Variants in OTOF observed in about 807,000 individuals in gnomAD.
The protein encoded by OTOF is fer-1-like family member 2.
Under a neutral mutation model 236.8 loss-of-function variants are expected in OTOF, and 218 were observed. The ratio of observed to expected loss-of-function variants is 0.92; its 90% confidence interval spans 0.82 to 1.03. The LOEUF (loss-of-function observed/expected upper bound fraction) is 1.03, where lower values mean the gene tolerates loss of function less well. OTOF is among the 50% of genes least tolerant of loss of function. The probability of loss-of-function intolerance (pLI) is 0.00; values close to 1 mark genes in which losing one functional copy is unlikely to be tolerated. For synonymous variants in OTOF, 1,041 were observed against 1,072.5 expected, an observed-to-expected ratio of 0.97 and a Z score of 0.57; for missense variants, 2,590 against 2,694.4, an observed-to-expected ratio of 0.96 and a Z score of 0.86.
chr2:26,461,978 G>C lies in OTOF; in HGVS notation c.5292-41C>G. On this transcript the variant is annotated intron_variant, in intron 42 of 46. Coordinates refer to ENST00000272371, the MANE Select transcript of OTOF (RefSeq NM_194248.3). The surrounding 1 kb of genome is among the most constrained non-coding windows in gnomAD (Gnocchi z 6.2). ...CTCCAGACCCGCAGCCAGGCTGGTG[G>C]GGCCTCTCCCACCCACAGCCACCTT... is the stretch of plus-strand genomic sequence containing the variant. 1.2e-6 allele frequency: 2 copies of C among 1,613,534 alleles called. No individual in the cohort carries two copies. Among genetic ancestry groups the C allele is most frequent in the Non-Finnish European group, 8.5e-7 (1 of 1,179,876 alleles).
chr2:26,461,887 T>G lies in OTOF; in HGVS notation c.5342A>C (p.His1781Pro), dbSNP rs1010004954. 1 of 1,613,416 alleles carries G rather than the reference T, an allele frequency of 6.2e-7. No homozygotes were observed. The highest frequency in any genetic ancestry group is 1.3e-5 in the African/African-American group (1 of 74,644). The change falls in exon 43 of 47, where the codon CAC (histidine) becomes CCC (proline). Residue 1781 changes from histidine to proline, a missense_variant. Physicochemically the swap from His to Pro is moderately conservative, Grantham distance 77. This residue lies in a region of OTOF where 1,211 missense variants were observed against 1,352.8 expected (regional missense o/e 0.90). Coordinates refer to ENST00000272371, the MANE Select transcript of OTOF (RefSeq NM_194248.3). The surrounding 1 kb of genome is among the most constrained non-coding windows in gnomAD (Gnocchi z 6.2). ...EDKQDTDVHY[H>P]SLTGEGNFNW... ...GAAGTTGCCCTCGCCAGTGAGGGAG[T>G]GGTAGTGGACGTCTGTGTCCTGCTT...
Position 26,535,853 on chromosome 2 carries a change from C to A in OTOF, c.138+1863G>T, listed in dbSNP as rs10207965. On this transcript the variant is annotated intron_variant, in intron 2 of 46. Transcript: ENST00000272371. ...GGCTGGGCGGAGTTGGGAAGAGGAACGACATGGTGATTAACTTTGAATGTC... is the reference window on the plus strand; with the variant it reads ...GGCTGGGCGGAGTTGGGAAGAGGAAAGACATGGTGATTAACTTTGAATGTC... 2.0e-5 allele frequency among the ~76,000 whole-genome samples: 3 copies of A among 152,284 alleles called. No individual in the cohort carries two copies. The East Asian group carries it at 5.8e-4, about 29-fold the overall frequency.
chr2:26,489,194 C>T lies in OTOF; in HGVS notation c.1045+17G>A. On this transcript the variant is annotated intron_variant, in intron 11 of 46. Coordinates refer to ENST00000272371, the MANE Select transcript of OTOF (RefSeq NM_194248.3). ...GCCATGCACACCTCGACTGACTGGC[C>T]ATGCGCAGGTACTCACCTGGCTGCG... 6.3e-7 allele frequency: 1 copy of T among 1,589,632 alleles called. No homozygotes were observed. Among genetic ancestry groups the T allele is most frequent in the Non-Finnish European group, 8.6e-7 (1 of 1,161,838 alleles).
rs534409465 is a variant in OTOF, at chr2:26,519,230, G to T, written c.228-121C>A. On this transcript the variant is annotated intron_variant, in intron 3 of 46. Coordinates refer to ENST00000272371, the MANE Select transcript of OTOF (RefSeq NM_194248.3). ...TCAGGTGGGCTTGCTCCAGCTCTGG[G>T]CTGGGCTGGAGAAGGTGGCCCAGGA... The T allele has an allele frequency of 3.9e-5, 28 of 720,510 alleles. No individual in the cohort carries two copies. The South Asian group carries it at 4.1e-4, about 11-fold the overall frequency. 44.6% of individuals were successfully genotyped at this position (720,510 alleles called of 1,614,324 possible). A position where few individuals can be genotyped will look rare whatever the true frequency, so the allele number is the denominator to read the frequency against.
At position 26,463,453 on chromosome 2, in the gene OTOF, G is replaced by A. The variant is rs1243181893; in HGVS notation, c.5192+30C>T. ...GGGAAGTGGGTGGGGTGGGCCGGAAGGGAGTAGCGCTGGGCCCCAGGCCGC... is the reference window on the plus strand; with the variant it reads ...GGGAAGTGGGTGGGGTGGGCCGGAAAGGAGTAGCGCTGGGCCCCAGGCCGC... On this transcript the variant is annotated intron_variant, in intron 41 of 46. Transcript: ENST00000272371. 1.9e-6 allele frequency: 3 copies of A among 1,539,928 alleles called. No homozygotes were observed. In the South Asian group the frequency reaches 3.5e-5, roughly 18 times the overall value.
chr2:26,470,583 G>A lies in OTOF; in HGVS notation c.4023+10C>T, dbSNP rs950118427. 1.9e-6 allele frequency: 3 copies of A among 1,613,882 alleles called. No individual in the cohort carries two copies. Among genetic ancestry groups the A allele is most frequent in the South Asian group, 1.1e-5 (1 of 91,084 alleles). On this transcript the variant is annotated intron_variant, in intron 32 of 46. Transcript: ENST00000272371. This position sits in a 1 kb window ranked among gnomAD's most constrained non-coding sequence, Gnocchi z 4.3. ...GGGGTCACCTCCCCTCACCCTACCC[G>A]AGGTCTCACCTCCTTCATGGTGTCA... is the stretch of plus-strand genomic sequence containing the variant.
chr2:26,554,336 C>G (rs887655321), intron 1 of OTOF, among the ~76,000 whole-genome samples: 2 of 152,024 alleles, frequency 1.3e-5, no homozygotes, highest in Admixed American at 6.6e-5. Flanking sequence ...GGTGAGAGCT[C>G]ACAGTTGGGG....
chr2:26,511,877 G>C (rs1000354042), intron 5 of OTOF, among the ~76,000 whole-genome samples: 1 of 152,170 alleles, frequency 6.6e-6, no homozygotes, highest in African/African-American at 2.4e-5. Context: ...TGTGGAAACC[G>C]ATTTAAAAAC....
In OTOF at chr2:26,480,961, G is replaced by C; in HGVS notation, c.1628C>G (p.Thr543Arg). Reference protein sequence around the residue: ...GPAWVNMYGSTRNYTLLDEHQ... With the variant: ...GPAWVNMYGSRRNYTLLDEHQ... ...CTCATCCAGCAGCGTGTAGTTACGTGTGGAGCCGTACATGTTCACCCAGGC... is the reference window on the plus strand; with the variant it reads ...CTCATCCAGCAGCGTGTAGTTACGTCTGGAGCCGTACATGTTCACCCAGGC... Residue 543 changes from threonine to arginine, a missense_variant, in exon 15 of 47, where the codon ACA becomes AGA. Thr to Arg is a moderately conservative substitution (Grantham distance 71). Around this residue, in one of 2 missense-constraint regions of OTOF, gnomAD observed 1,379 missense variants for 1,341.6 expected, o/e 1.03. Transcript: ENST00000272371. 1 of 1,613,064 alleles carries C rather than the reference G, an allele frequency of 6.2e-7. No individual in the cohort carries two copies. The highest frequency in any genetic ancestry group is 8.5e-7 in the Non-Finnish European group (1 of 1,180,026).
Position 26,477,849 on chromosome 2 carries a change from G to A in OTOF, c.2215-100C>T, listed in dbSNP as rs1426240023. ...TGATCAGGGGAGTGAGGGACCTCATGATCTGGGAGCTCTCGCTAGGGCCAT... is the reference window on the plus strand; with the variant it reads ...TGATCAGGGGAGTGAGGGACCTCATAATCTGGGAGCTCTCGCTAGGGCCAT... On this transcript the variant is annotated intron_variant, in intron 18 of 46. Transcript: ENST00000272371. The surrounding 1 kb of genome is among the most constrained non-coding windows in gnomAD (Gnocchi z 4.7). The A allele has an allele frequency of 6.4e-7, 1 of 1,564,932 alleles. No individual in the cohort carries two copies. The highest frequency in any genetic ancestry group is 1.9e-5 in the Admixed American group (1 of 52,368).
At chr2:26,535,672 G>C (rs936319368) in intron 2 of OTOF, among the ~76,000 whole-genome samples, 1 of 152,106 alleles carries the variant, frequency 6.6e-6, no homozygotes, top group African/African-American at 2.4e-5. Flanking sequence ...ACTGACTCTG[G>C]CTACCCCATC....
intron 34 of OTOF, 29 bp downstream of exon 34, chr2:26,467,336 C>T: frequency 1.2e-6 from 2 of 1,613,742 alleles, no homozygotes; most frequent in East Asian, 2.2e-5. Context: ...CCCCACACAC[C>T]CTAGAAGGGT....
chr2:26,497,158 A>G (rs1666008807), intron 8 of OTOF, among the ~76,000 whole-genome samples: 1 of 128,826 alleles, frequency 7.8e-6, no homozygotes, highest in Non-Finnish European at 1.6e-5. Flanking sequence ...GCTGGAGTGC[A>G]GTGGCACGAT....
intron 11 of OTOF, among the ~76,000 whole-genome samples, chr2:26,487,727 A>G (rs1665735323): frequency 6.6e-6 from 1 of 152,030 alleles, no homozygotes; most frequent in Non-Finnish European, 1.5e-5. Flanking sequence ...TACCAGGGCC[A>G]CTGCTCAGCC....
chr2:26,480,270 G>A lies in OTOF; in HGVS notation c.1845C>T (p.Ala615=), dbSNP rs1175026119. Residue 615 remains alanine, a synonymous_variant, in exon 16 of 47, where the codon GCC becomes GCT. Transcript: ENST00000272371. The stretch of plus-strand genomic sequence containing the variant: ...GGTCGATCATTGAGGCCTCCAGGAA[G>A]GCTCCAAAGAGAAAGAATTCTTCCA... ...GKMEEFFLFG[A]FLEASMIDRR... is the part of the protein sequence containing the mutation. The A allele has an allele frequency of 6.2e-7, 1 of 1,612,750 alleles. No homozygotes were observed. The highest frequency in any genetic ancestry group is 1.7e-5 in the Admixed American group (1 of 60,030).
At position 26,479,331 on chromosome 2, in the gene OTOF, C is replaced by G. The variant is rs147657016; in HGVS notation, c.2147G>C (p.Ser716Thr). 1.2e-6 allele frequency: 2 copies of G among 1,612,682 alleles called. No individual in the cohort carries two copies. The highest frequency in any genetic ancestry group is 1.7e-5 in the Admixed American group (1 of 59,964). Residue 716 changes from serine (S) to threonine (T), a missense_variant, in exon 18 of 47, where the codon AGC (serine) becomes ACC (threonine). Transcript: ENST00000272371. Reference protein sequence around the residue: ...LERKPCIYIKSWWPDQRRRLY... With the variant: ...LERKPCIYIKTWWPDQRRRLY... ...GCGGCGGCGCTGGTCCGGCCACCAGCTCTTGATGTAGATGCAGGGCTTTCG... is the reference window on the plus strand; with the variant it reads ...GCGGCGGCGCTGGTCCGGCCACCAGGTCTTGATGTAGATGCAGGGCTTTCG...
At chr2:26,483,425 A>G (rs767001952) in intron 13 of OTOF, 37 bp downstream of exon 13, 7 of 1,599,002 alleles carry the variant, frequency 4.4e-6, no homozygotes, top group Non-Finnish European at 6.0e-6. Flanking sequence ...GATACCTGTC[A>G]CCCAGCCCCA....
chr2:26,479,161 C>T, intron 18 of OTOF, 103 bp downstream of exon 18: 1 of 1,467,890 alleles, frequency 6.8e-7, no homozygotes, highest in East Asian at 2.4e-5. Context: ...GCCGTTCCTG[C>T]AGCCCCCTGG....
In OTOF at chr2:26,463,987, G is replaced by C. The variant is rs1448550733; in HGVS notation, c.5080C>G (p.Pro1694Ala). The change falls in exon 40 of 47, where the codon CCC (proline) becomes GCC (alanine). Residue 1694 changes from proline (P) to alanine (A), a missense_variant. Coordinates refer to ENST00000272371, the MANE Select transcript of OTOF (RefSeq NM_194248.3). ...EHVETRPLLNPDKPGIEQGRL... is the reference protein window; with the variant it reads ...EHVETRPLLNADKPGIEQGRL... ...ACCTGCTCGATGCCCGGCTTGTCGGGGTTGAGCAGCGGCCTCGTCTCCACA... is the reference window on the plus strand; with the variant it reads ...ACCTGCTCGATGCCCGGCTTGTCGGCGTTGAGCAGCGGCCTCGTCTCCACA... 1 of 1,613,696 alleles carries C rather than the reference G, an allele frequency of 6.2e-7. No homozygotes were observed. The highest frequency in any genetic ancestry group is 8.5e-7 in the Non-Finnish European group (1 of 1,180,044).
Sources: allele counts gnomAD v4.1 joint callset (sites outside exome capture counted in the v4.1 genomes callset), GRCh38; gene constraint gnomAD v4.1.1; regional missense constraint gnomAD v4.1.1; non-coding constraint Gnocchi (gnomAD v3.1); transcripts MANE v1.5; gene names NCBI Gene and HGNC (gene_info 2026-07-23, HGNC 2026-07-21).